Variants in B3GLCT observed in about 807,000 individuals in gnomAD.
B3GLCT encodes beta 3-glucosyltransferase, also known as beta-1,3-glucosyltransferase.
In B3GLCT, 65 loss-of-function variants were observed where a neutral mutation model predicts 63.4. The observed-to-expected ratio is 1.03, with a 90% CI of 0.84 to 1.26. The LOEUF (loss-of-function observed/expected upper bound fraction) is 1.26, where lower values mean the gene tolerates loss of function less well. Ranked by LOEUF, B3GLCT falls within the 50% of genes most tolerant of loss-of-function variation. B3GLCT has a pLI of 0.00. For missense variants in B3GLCT, 577 were observed against 604.8 expected (o/e 0.95, Z 0.48); for synonymous variants, 233 against 219.2 (o/e 1.06, Z -0.55).
At chr13:31,298,168 G>A (rs531827906) in intron 12 of B3GLCT, among the ~76,000 whole-genome samples, 67 of 152,158 alleles carry the variant, frequency 4.4e-4, no homozygotes, top group African/African-American at 7.2e-5. Flanking sequence ...GTCGGTATAC[G>A]TTAGCCTACA....
At chr13:31,205,016 C>T (rs1868873559) in intron 1 of B3GLCT, among the ~76,000 whole-genome samples, 1 of 152,098 alleles carries the variant, frequency 6.6e-6, no homozygotes, top group African/African-American at 2.4e-5. Flanking sequence ...AGTTCTATGG[C>T]ATTAAGTACT....
At chr13:31,299,172 C>T (rs1245282539) in intron 12 of B3GLCT, among the ~76,000 whole-genome samples, 1 of 152,182 alleles carries the variant, frequency 6.6e-6, no homozygotes, top group Admixed American at 6.5e-5. Context: ...CCTTTAGTCC[C>T]ACTCATGTTG....
intron 2 of B3GLCT, among the ~76,000 whole-genome samples, chr13:31,220,074 G>A (rs1282400939): frequency 6.6e-6 from 1 of 152,160 alleles, no homozygotes; most frequent in Non-Finnish European, 1.5e-5. Flanking sequence ...CAGAATTAGA[G>A]CCCAGGGCCG....
At position 31,247,969 on chromosome 13, in the gene B3GLCT, G is replaced by C. The variant is rs1871269532; in HGVS notation, c.459+3G>C. 2 of 1,471,930 alleles carry C rather than the reference G, an allele frequency of 1.4e-6. No individual in the cohort carries two copies. The highest frequency in any genetic ancestry group is 1.9e-6 in the Non-Finnish European group (2 of 1,051,072). The allele number at this position is 1,471,930 out of a possible 1,614,324, so 91.2% of individuals were successfully genotyped here. A position where few individuals can be genotyped will look rare whatever the true frequency, so the allele number is the denominator to read the frequency against. ...TCAGAAGATATGACCCCTCTAAGGTGAATATAACTTCAATACCAGTTCTTA... is the reference window on the plus strand; with the variant it reads ...TCAGAAGATATGACCCCTCTAAGGTCAATATAACTTCAATACCAGTTCTTA... On this transcript the variant is annotated splice_donor_region_variant and intron_variant, in intron 6 of 14. Coordinates refer to ENST00000343307, the MANE Select transcript of B3GLCT (RefSeq NM_194318.4).
At chr13:31,256,476 T>C (rs1401878031) in intron 6 of B3GLCT, among the ~76,000 whole-genome samples, 2 of 152,222 alleles carry the variant, frequency 1.3e-5, no homozygotes, top group Admixed American at 6.5e-5. Flanking sequence ...TGCACACATA[T>C]GTTTATTGTG....
chr13:31,317,465 A>T, intron 12 of B3GLCT, 101 bp from the exon 13 acceptor site: 1 of 1,327,826 alleles, frequency 7.5e-7, no homozygotes, highest in Non-Finnish European at 1.1e-6. Flanking sequence ...ATTTCAGTTT[A>T]GTATTACACA....
At chr13:31,208,993 T>TGGGTCA (rs1869125574) in intron 1 of B3GLCT, among the ~76,000 whole-genome samples, 1 of 152,120 alleles carries the variant, frequency 6.6e-6, no homozygotes, top group African/African-American at 2.4e-5. Flanking sequence ...GGACCCTGCC[T>TGGGTCA]GGGTCACTCC....
chr13:31,201,252 G>A (rs1177580956), intron 1 of B3GLCT, among the ~76,000 whole-genome samples: 1 of 152,178 alleles, frequency 6.6e-6, no homozygotes, highest in African/African-American at 2.4e-5. Context: ...AACCTTGACA[G>A]CCTGTTTTTA....
intron 6 of B3GLCT, among the ~76,000 whole-genome samples, chr13:31,255,620 A>G (rs148042256): frequency 4.6e-4 from 70 of 152,344 alleles, no homozygotes; most frequent in African/African-American, 1.7e-3. Context: ...GACCAATGGA[A>G]CAGAACAGAG....
chr13:31,327,646 C>T (rs1875699866), intron 14 of B3GLCT, among the ~76,000 whole-genome samples: 1 of 152,136 alleles, frequency 6.6e-6, no homozygotes, highest in Non-Finnish European at 1.5e-5. Flanking sequence ...GATGTTTCTC[C>T]TTGGTTTTCT....
intron 7 of B3GLCT, among the ~76,000 whole-genome samples, chr13:31,261,477 G>A (rs1238568900): frequency 1.3e-5 from 2 of 152,204 alleles, no homozygotes; most frequent in African/African-American, 4.8e-5. Flanking sequence ...GTTGAGAGTT[G>A]ATGACTCATT....
At chr13:31,219,661 C>G (rs535470576) in intron 2 of B3GLCT, among the ~76,000 whole-genome samples, 3 of 152,264 alleles carry the variant, frequency 2.0e-5, no homozygotes, top group African/African-American at 4.8e-5. Context: ...GTAGTAGGAC[C>G]TACCTCACAG....
chr13:31,262,862 GTC>G (rs1325142883), intron 7 of B3GLCT, among the ~76,000 whole-genome samples: 1 of 152,030 alleles, frequency 6.6e-6, no homozygotes, highest in Non-Finnish European at 1.5e-5. Context: ...GAAAGATTTG[GTC>G]TGACTTCTCC....
chr13:31,319,068 A>C (rs368039757), intron 13 of B3GLCT, among the ~76,000 whole-genome samples: 1 of 152,122 alleles, frequency 6.6e-6, no homozygotes, highest in Non-Finnish European at 1.5e-5. Context: ...TGGGCCAGGC[A>C]CAGGGAATGC....
At chr13:31,221,357 G>T (rs1490021052) in intron 2 of B3GLCT, among the ~76,000 whole-genome samples, 1 of 152,212 alleles carries the variant, frequency 6.6e-6, no homozygotes, top group African/African-American at 2.4e-5. Flanking sequence ...AGGGCAGGTT[G>T]TCTTCCTGGT....
At chr13:31,208,300 C>T (rs148843098) in intron 1 of B3GLCT, among the ~76,000 whole-genome samples, 9 of 152,248 alleles carry the variant, frequency 5.9e-5, no homozygotes, top group Non-Finnish European at 1.2e-4. Context: ...CCTTTTGTCT[C>T]CTTTGCAGTT....
rs1593289962 is a variant in B3GLCT, at chr13:31,274,428, T to C, written c.661-81T>C. On this transcript the variant is annotated intron_variant, in intron 8 of 14. Coordinates refer to ENST00000343307, the MANE Select transcript of B3GLCT (RefSeq NM_194318.4). ...CTCTCTATGGAAGATGTGTTCTGCT[T>C]TCCCTTGAGATATTTTGTCCCTTCT... is the stretch of plus-strand genomic sequence containing the variant. 28 of 1,569,988 alleles carry C rather than the reference T, an allele frequency of 1.8e-5. No homozygotes were observed. In the South Asian group the frequency reaches 2.6e-4, roughly 14 times the overall value.
intron 1 of B3GLCT, among the ~76,000 whole-genome samples, chr13:31,206,523 G>T (rs566062044): frequency 6.6e-6 from 1 of 150,528 alleles, no homozygotes; most frequent in Non-Finnish European, 1.5e-5. Flanking sequence ...GGCGGATCAC[G>T]AGGTCAGGGG....
intron 12 of B3GLCT, among the ~76,000 whole-genome samples, chr13:31,289,939 C>A (rs1341036377): frequency 6.6e-6 from 1 of 151,544 alleles, no homozygotes; most frequent in Non-Finnish European, 1.5e-5. Flanking sequence ...CATAGGTATA[C>A]ACGTGCCATG....
Sources: gnomAD v4.1 joint callset for allele counts (sites outside exome capture counted in the v4.1 genomes callset) on GRCh38, gnomAD v4.1.1 for gene constraint, MANE v1.5 for transcripts, NCBI Gene and HGNC (gene_info 2026-07-23, HGNC 2026-07-21) for gene names.